The following ZNF844 variants were observed in gnomAD, a reference collection of about 807,000 sequenced individuals.
ZNF844 encodes zinc finger protein 844.
A neutral mutation model predicts 11.4 loss-of-function variants in ZNF844; 11 were observed. The observed-to-expected ratio is 0.97, with a 90% confidence interval of 0.61 to 1.60. The LOEUF is 1.60. Ranked by LOEUF, ZNF844 falls within the 40% of genes most tolerant of loss-of-function variation. The pLI is 0.00. For synonymous variants in ZNF844, 248 were observed against 260.3 expected, an observed-to-expected ratio of 0.95 and a Z score of 0.46; for missense variants, 790 against 796.8, an observed-to-expected ratio of 0.99 and a Z score of 0.10.
At chr19:12,074,271 A>G in intron 2 of ZNF844, 90 bp from the exon 3 acceptor site, 1 of 1,518,182 alleles carries the variant, frequency 6.6e-7, no homozygotes, top group East Asian at 2.3e-5. Context: ...TAAATGAGGT[A>G]TGGCTCTAAT....
In ZNF844 at chr19:12,077,380, A is replaced by G; in HGVS notation, c.*259A>G. ...AGGACTCACACTGGAGAGAAACAGT[A>G]TGAGTGTAAGCAGTGTGGTAAAGCC... is the stretch of plus-strand genomic sequence containing the variant. On this transcript the variant is annotated 3_prime_UTR_variant, in exon 4 of 4. Coordinates refer to ENST00000439326, the MANE Select transcript of ZNF844 (RefSeq NM_001136501.3). The G allele has an allele frequency of 1.3e-6, 1 of 768,686 alleles. No individual in the cohort carries two copies. 47.6% of individuals were successfully genotyped at this position (768,686 alleles called of 1,614,324 possible). A position where few individuals can be genotyped will look rare whatever the true frequency, so the allele number is the denominator to read the frequency against.
At chr19:12,067,244 G>C (rs981447656) in intron 1 of ZNF844, among the ~76,000 whole-genome samples, 5 of 151,952 alleles carry the variant, frequency 3.3e-5, no homozygotes, top group African/African-American at 1.2e-4. Context: ...AGGCCAGTCA[G>C]TCAAGGCTGC....
Position 12,076,084 on chromosome 19 carries a change from A to G in ZNF844, c.964A>G (p.Ser322Gly), listed in dbSNP as rs185717820. 107 of 1,564,442 alleles carry G rather than the reference A, an allele frequency of 6.8e-5. No homozygotes were observed. The East Asian group carries it at 2.4e-3, about 35-fold the overall frequency. ...ATGTGGGAAAGCATTCAAGTGTCCCAGTTATCTTTGTAGACATGAAGTGAC... is the reference window on the plus strand; with the variant it reads ...ATGTGGGAAAGCATTCAAGTGTCCCGGTTATCTTTGTAGACATGAAGTGAC... Reference protein sequence around the residue: ...TKCGKAFKCPSYLCRHEVTHS... With the variant: ...TKCGKAFKCPGYLCRHEVTHS... The change falls in exon 4 of 4, where the codon AGT becomes GGT. Residue 322 changes from serine to glycine, a missense_variant. Ser to Gly is a moderately conservative substitution (Grantham distance 56, BLOSUM62 0). Around this residue, in one of 3 missense-constraint regions of ZNF844, gnomAD observed 657 missense variants for 636.2 expected, o/e 1.03. Transcript: ENST00000439326.
chr19:12,067,607 CAAA>C (rs772282496), intron 1 of ZNF844, among the ~76,000 whole-genome samples: 1 of 37,432 alleles, frequency 2.7e-5, no homozygotes, highest in African/African-American at 6.4e-5. Flanking sequence ...AACTCTGTCT[CAAA>C]AAAAAAAAAA....
At position 12,074,068 on chromosome 19, in the gene ZNF844, C is replaced by G; in HGVS notation, c.41C>G (p.Thr14Ser). 6.2e-7 allele frequency: 1 copy of G among 1,613,644 alleles called. No homozygotes were observed. Among genetic ancestry groups the G allele is most frequent in the South Asian group, 1.1e-5 (1 of 91,086 alleles). Residue 14 changes from threonine (T) to serine (S), a missense_variant, in exon 2 of 4, where the codon ACC (threonine) becomes AGC (serine). Physicochemically the swap from Thr to Ser is moderately conservative, Grantham distance 58 (BLOSUM62 1). Around this residue, in one of 3 missense-constraint regions of ZNF844, gnomAD observed 129 missense variants for 144.0 expected, o/e 0.90. Transcript: ENST00000439326. ...VAFEDVAVNF[T>S]QEEWSLLDPS... is the part of the protein sequence containing the mutation. ...TTCGAGGATGTGGCTGTGAACTTCA[C>G]CCAGGAGGAGTGGTCTTTGCTGGAT...
chr19:12,075,883 T>C lies in ZNF844; in HGVS notation c.763T>C (p.Cys255Arg). The C allele has an allele frequency of 6.2e-7, 1 of 1,610,052 alleles. No homozygotes were observed. Among genetic ancestry groups the C allele is most frequent in the African/African-American group, 1.3e-5 (1 of 74,894 alleles). Residue 255 changes from cysteine (C) to arginine (R), a missense_variant, in exon 4 of 4, where the codon TGT becomes CGT. Transcript: ENST00000439326. ...RTHTGEKPYECKECGKAFGSP... is the reference protein window; with the variant it reads ...RTHTGEKPYERKECGKAFGSP... Reference sequence around the variant, plus strand: ...TCACACTGGAGAGAAGCCTTATGAATGTAAGGAATGTGGGAAAGCATTCGG... The same window carrying C: ...TCACACTGGAGAGAAGCCTTATGAACGTAAGGAATGTGGGAAAGCATTCGG...
intron 1 of ZNF844, 104 bp from the exon 2 acceptor site, chr19:12,073,927 A>G: frequency 2.8e-6 from 4 of 1,424,602 alleles, no homozygotes; most frequent in Non-Finnish European, 3.7e-6. Flanking sequence ...AATAGAATAA[A>G]TGTTTGGAGT....
At position 12,080,555 on chromosome 19, in the gene ZNF844, GA is replaced by G; in HGVS notation, c.*3436del. On this transcript the variant is annotated 3_prime_UTR_variant, in exon 4 of 4. Coordinates refer to ENST00000439326, the MANE Select transcript of ZNF844 (RefSeq NM_001136501.3). The stretch of plus-strand genomic sequence containing the variant: ...CCCTGCTCCCAGCCCATTTTTTCCT[GA>G]ATCTTTGGCTTGCCAATCAAGAATG... 5.7e-6 allele frequency: 1 copy of G among 174,412 alleles called. No homozygotes were observed. The highest frequency in any genetic ancestry group is 5.0e-4 in the Middle Eastern group (1 of 1,998). The allele number at this position is 174,412 out of a possible 1,614,324, so 10.8% of individuals were successfully genotyped here.
intron 1 of ZNF844, among the ~76,000 whole-genome samples, chr19:12,068,487 C>T (rs1259328531): frequency 6.6e-6 from 1 of 151,920 alleles, no homozygotes; most frequent in African/African-American, 2.4e-5. Context: ...CAAAAATTAG[C>T]CGGGCATGGT....
At chr19:12,070,281 A>G (rs1443521506) in intron 1 of ZNF844, 1 of 152,210 alleles carries the variant, frequency 6.6e-6, no homozygotes, top group Non-Finnish European at 1.5e-5. Context: ...TTAAAAACAA[A>G]AAAAGAAAGG....
At position 12,075,490 on chromosome 19, in the gene ZNF844, G is replaced by A. The variant is rs1477092689; in HGVS notation, c.370G>A (p.Ala124Thr). 1 of 1,613,538 alleles carries A rather than the reference G, an allele frequency of 6.2e-7. No individual in the cohort carries two copies. Among genetic ancestry groups the A allele is most frequent in the Non-Finnish European group, 8.5e-7 (1 of 1,179,884 alleles). ...GHSSLNRHIR[A>T]DTAHKPSEYQ... ...TTCTTCCCTTAATAGGCACATTAGA[G>A]CTGACACTGCACACAAGCCGTCTGA... The change falls in exon 4 of 4, where the codon GCT becomes ACT. Residue 124 changes from alanine (A) to threonine (T), a missense_variant. This residue lies in a region of ZNF844 where 129 missense variants were observed against 144.0 expected (regional missense o/e 0.90). Transcript: ENST00000439326.
intron 1 of ZNF844, among the ~76,000 whole-genome samples, chr19:12,068,998 G>A (rs748480083): frequency 1.6e-4 from 24 of 152,092 alleles, no homozygotes; most frequent in Non-Finnish European, 3.2e-4. Flanking sequence ...CACTGACCAT[G>A]GGAGGAGCCC....
In ZNF844 at chr19:12,076,385, T is replaced by C. The variant is rs1975818386; in HGVS notation, c.1265T>C (p.Val422Ala). Reference protein sequence around the residue: ...GLTLERNPMNVSSVVKPSFLP... With the variant: ...GLTLERNPMNASSVVKPSFLP... ...ACACTGGAGAGAAACCCTATGAATG[T>C]AAGCAGTGTAGTAAAGCCTTCATTT... Residue 422 changes from valine to alanine, a missense_variant, in exon 4 of 4, where the codon GTA becomes GCA. Coordinates refer to ENST00000439326, the MANE Select transcript of ZNF844 (RefSeq NM_001136501.3). The C allele has an allele frequency of 6.2e-7, 1 of 1,610,106 alleles. No homozygotes were observed. The highest frequency in any genetic ancestry group is 1.3e-5 in the African/African-American group (1 of 74,692).
rs1975892366 is a variant in ZNF844 at position 12,081,074 on chromosome 19, A to G, written c.*3953A>G. On this transcript the variant is annotated 3_prime_UTR_variant, in exon 4 of 4. Transcript: ENST00000439326. The stretch of plus-strand genomic sequence containing the variant: ...CTGGCCTGGTGTTTCTTTAGGTATA[A>G]TGTCTTTACCAGAGAGCTAATGCAG... 1 of 152,178 alleles carries G rather than the reference A, an allele frequency of 6.6e-6. No individual in the cohort carries two copies. Among genetic ancestry groups the G allele is most frequent in the South Asian group, 2.1e-4 (1 of 4,822 alleles). The allele number at this position is 152,178 out of a possible 1,614,324, so 9.4% of individuals were successfully genotyped here.
intron 1 of ZNF844, among the ~76,000 whole-genome samples, chr19:12,067,205 A>AAAT (rs1254266310): frequency 2.6e-5 from 4 of 151,374 alleles, no homozygotes; most frequent in African/African-American, 4.9e-5. Flanking sequence ...CTCTCAAGTA[A>AAAT]AATAATAATA....
At chr19:12,065,586 T>TC (rs774507188) in intron 1 of ZNF844, among the ~76,000 whole-genome samples, 54 of 151,676 alleles carry the variant, frequency 3.6e-4, no homozygotes, top group Admixed American at 3.5e-3. Context: ...CAAATCAGTC[T>TC]CCCCGAAGGC....
intron 1 of ZNF844, among the ~76,000 whole-genome samples, chr19:12,065,142 C>T (rs1975673783): frequency 6.6e-6 from 1 of 152,030 alleles, no homozygotes; most frequent in Non-Finnish European, 1.5e-5. Context: ...CTGGACAGCT[C>T]CGCGCCCGCA....
At position 12,074,351 on chromosome 19, in the gene ZNF844, T is replaced by C. The variant is rs1448282095; in HGVS notation, c.131-10T>C. On this transcript the variant is annotated splice_polypyrimidine_tract_variant and intron_variant, in intron 2 of 3. Coordinates refer to ENST00000439326, the MANE Select transcript of ZNF844 (RefSeq NM_001136501.3). ...TAATTCAGGATTCTTTTTCTGATTC[T>C]GTATTTTAGGAGAAAAATGGAAAGA... is the stretch of plus-strand genomic sequence containing the variant. The C allele has an allele frequency of 2.0e-6, 3 of 1,519,584 alleles. No individual in the cohort carries two copies. In the East Asian group the frequency reaches 7.4e-5, roughly 37 times the overall value. The allele number at this position is 1,519,584 out of a possible 1,614,324, so 94.1% of individuals were successfully genotyped here.
In ZNF844 at chr19:12,064,802, C is replaced by T. The variant is rs1205937109; in HGVS notation, c.-72C>T. On this transcript the variant is annotated 5_prime_UTR_variant, in exon 1 of 4. Coordinates refer to ENST00000439326, the MANE Select transcript of ZNF844 (RefSeq NM_001136501.3). ...TGCTCTGAGAGGGACCGGTTGCCAC[C>T]GCCATACTTCTGTCGCCCTGTCGTC... 3 of 1,528,698 alleles carry T rather than the reference C, an allele frequency of 2.0e-6. No individual in the cohort carries two copies. Among genetic ancestry groups the T allele is most frequent in the African/African-American group, 2.8e-5 (2 of 72,098 alleles). 94.7% of individuals were successfully genotyped at this position (1,528,698 alleles called of 1,614,324 possible). A position where few individuals can be genotyped will look rare whatever the true frequency, so the allele number is the denominator to read the frequency against.
Sources: gnomAD v4.1 joint callset for allele counts (sites outside exome capture counted in the v4.1 genomes callset) on GRCh38, gnomAD v4.1.1 for gene constraint, gnomAD v4.1.1 regional missense constraint, MANE v1.5 for transcripts, NCBI Gene and HGNC (gene_info 2026-07-23, HGNC 2026-07-21) for gene names.